GNAO1: variants seen among roughly 807,000 people sequenced by gnomAD.
The protein encoded by GNAO1 is G protein subunit alpha o1, also known as guanine nucleotide-binding protein G(o) subunit alpha.
For missense variants in GNAO1, 166 were observed against 478.7 expected, an observed-to-expected ratio of 0.35 and a Z score of 6.10; for synonymous variants, 164 against 180.7, an observed-to-expected ratio of 0.91 and a Z score of 0.74.
chr16:56,236,317 C>T (rs1160923067), intron 2 of GNAO1, among the ~76,000 whole-genome samples: 1 of 152,148 alleles, frequency 6.6e-6, no homozygotes, highest in Non-Finnish European at 1.5e-5. Context: ...TTTCTAGTCC[C>T]TTCACAAAAC....
intron 3 of GNAO1, among the ~76,000 whole-genome samples, chr16:56,315,242 C>T (rs564687996): frequency 6.6e-6 from 1 of 152,258 alleles, no homozygotes; most frequent in Non-Finnish European, 1.5e-5. Context: ...TGTAATTAAA[C>T]TATTCACCAT....
chr16:56,193,651 C>T (rs2036203107), intron 2 of GNAO1: 1 of 164,434 alleles, frequency 6.1e-6, no homozygotes, highest in Admixed American at 5.8e-5. Flanking sequence ...CCTCGCCCCT[C>T]CTTTCCACTT....
intron 2 of GNAO1, among the ~76,000 whole-genome samples, chr16:56,206,213 G>A (rs974825597): frequency 8.6e-5 from 13 of 151,776 alleles, no homozygotes; most frequent in African/African-American, 3.1e-4. Flanking sequence ...ACAGCTACTC[G>A]GGAGGCTGAG....
intron 3 of GNAO1, among the ~76,000 whole-genome samples, chr16:56,322,742 A>T (rs2037588243): frequency 6.6e-6 from 1 of 152,088 alleles, no homozygotes; most frequent in African/African-American, 2.4e-5. Flanking sequence ...CTTACTGGCG[A>T]TGTGATCTTT....
chr16:56,302,758 T>A (rs1236408785), intron 3 of GNAO1: 2 of 152,252 alleles, frequency 1.3e-5, no homozygotes, highest in Non-Finnish European at 2.9e-5. Flanking sequence ...GCTGCTGCCG[T>A]GTTGCCAATA....
At chr16:56,197,650 A>G (rs61491388) in intron 2 of GNAO1, among the ~76,000 whole-genome samples, 8,337 of 152,318 alleles carry the variant, frequency 0.055, 313 homozygotes, top group South Asian at 0.093. Context: ...CATGGCTGGA[A>G]AAGAATGCAG....
intron 3 of GNAO1, among the ~76,000 whole-genome samples, chr16:56,315,047 C>G (rs993423327): frequency 5.3e-5 from 8 of 152,164 alleles, no homozygotes; most frequent in African/African-American, 1.7e-4. Flanking sequence ...GGCACAGGAG[C>G]CAGTGTCCCC....
In GNAO1 at chr16:56,235,018, C is replaced by T. The variant is rs1244298867; in HGVS notation, c.162-40913C>T. 4.9e-5 allele frequency: 14 copies of T among 287,784 alleles called. 1 individual carries two copies. The highest frequency in any genetic ancestry group is 3.1e-4 in the South Asian group (9 of 28,872). 17.8% of individuals were successfully genotyped at this position (287,784 alleles called of 1,614,324 possible). On this transcript the variant is annotated intron_variant, in intron 2 of 8. Transcript: ENST00000262493. ...ATGTCTTTCTTACCCCACAGCCCCT[C>T]GGGGAGTTTAAATAAGGTGCTGCGG... is the stretch of plus-strand genomic sequence containing the variant.
intron 2 of GNAO1, among the ~76,000 whole-genome samples, chr16:56,215,907 TA>T (rs2036432666): frequency 6.6e-6 from 1 of 152,212 alleles, no homozygotes; most frequent in South Asian, 2.1e-4. Context: ...GGGAAGTGTA[TA>T]CCCCCACTCT....
intron 2 of GNAO1, among the ~76,000 whole-genome samples, chr16:56,206,137 G>A (rs868370463): frequency 2.0e-5 from 3 of 151,982 alleles, no homozygotes; most frequent in Non-Finnish European, 4.4e-5. Flanking sequence ...TGGATAACAC[G>A]GTGAAACCTC....
chr16:56,302,888 T>C (rs2037358793), intron 3 of GNAO1: 2 of 152,250 alleles, frequency 1.3e-5, no homozygotes, highest in Admixed American at 1.3e-4. Context: ...TGCTTTATAA[T>C]TAATTGAGCA....
At chr16:56,242,611 A>G (rs2036704511) in intron 2 of GNAO1, among the ~76,000 whole-genome samples, 1 of 152,232 alleles carries the variant, frequency 6.6e-6, no homozygotes. Context: ...ACAACTGGAT[A>G]GCCACAGGGA....
At chr16:56,261,200 A>G (rs1379150604) in intron 2 of GNAO1, among the ~76,000 whole-genome samples, 1 of 152,208 alleles carries the variant, frequency 6.6e-6, no homozygotes, top group East Asian at 1.9e-4. Context: ...GGACATGAGA[A>G]ATCATGATTT....
chr16:56,334,684 G>A (rs2037723139), intron 4 of GNAO1, 45 bp from the exon 5 acceptor site: 2 of 1,610,000 alleles, frequency 1.2e-6, no homozygotes, highest in Non-Finnish European at 1.7e-6. Flanking sequence ...CCCGAACAGT[G>A]TCCAGGCATT....
chr16:56,310,396 T>C lies in GNAO1; in HGVS notation c.304-18235T>C, dbSNP rs557147048. 3.9e-5 allele frequency among the ~76,000 whole-genome samples: 6 copies of C among 152,372 alleles called. No individual in the cohort carries two copies. The South Asian group carries it at 1.2e-3, about 32-fold the overall frequency. On this transcript the variant is annotated intron_variant, in intron 3 of 8. Coordinates refer to ENST00000262493, the MANE Select transcript of GNAO1 (RefSeq NM_020988.3). ...ACAGCAGAAATTTAATGATCATTTA[T>C]TGAGCACCTATTATGTGCTATAGTG...
intron 2 of GNAO1, chr16:56,255,382 T>G (rs2036837387): frequency 1.3e-5 from 2 of 152,224 alleles, no homozygotes; most frequent in Admixed American, 1.3e-4. Flanking sequence ...GTGTGTTTCC[T>G]CTAAAAAATG....
intron 3 of GNAO1, among the ~76,000 whole-genome samples, chr16:56,292,228 C>T (rs1264611692): frequency 2.6e-5 from 4 of 152,184 alleles, no homozygotes; most frequent in African/African-American, 9.7e-5. Flanking sequence ...GAGGAGCCTA[C>T]AATTCACTGA....
chr16:56,211,198 A>G (rs187954867), intron 2 of GNAO1, among the ~76,000 whole-genome samples: 26 of 152,350 alleles, frequency 1.7e-4, no homozygotes, highest in African/African-American at 6.3e-4. Flanking sequence ...AATGCTTAAT[A>G]TGCAGATCAG....
intron 3 of GNAO1, among the ~76,000 whole-genome samples, chr16:56,297,114 G>A (rs2037294570): frequency 6.6e-6 from 1 of 152,120 alleles, no homozygotes; most frequent in African/African-American, 2.4e-5. Flanking sequence ...CCGCCCTTTG[G>A]GAGTAGGACA....
Sources: gnomAD v4.1 joint callset for allele counts (sites outside exome capture counted in the v4.1 genomes callset) on GRCh38, gnomAD v4.1.1 for gene constraint, MANE v1.5 for transcripts, NCBI Gene and HGNC (gene_info 2026-07-23, HGNC 2026-07-21) for gene names.